Variants in XIAP observed in about 807,000 individuals in gnomAD.
XIAP encodes E3 ubiquitin-protein ligase XIAP.
XIAP carries 3 observed loss-of-function variants against 33.1 expected under a neutral mutation model. The observed-to-expected ratio is 0.09, with a 90% CI of 0.04 to 0.23. The LOEUF (loss-of-function observed/expected upper bound fraction) is 0.23. Among genes scored for constraint, XIAP ranks in the 10% least tolerant of loss-of-function variants. XIAP has a pLI of 1.00. For missense variants in XIAP, 264 were observed against 363.0 expected, an observed-to-expected ratio of 0.73 and a Z score of 2.22; for synonymous variants, 98 against 121.3, an observed-to-expected ratio of 0.81 and a Z score of 1.26.
At chrX:123,873,978 C>T (rs1407968565) in intron 1 of XIAP, 1 of 109,112 alleles carries the variant, frequency 9.2e-6, no homozygotes, top group Non-Finnish European at 1.9e-5. Flanking sequence ...AGGCAGTTAC[C>T]TATGTAACAA....
intron 1 of XIAP, among the ~76,000 whole-genome samples, chrX:123,869,770 A>C (rs894084748): frequency 1.3e-4 from 15 of 111,756 alleles, no homozygotes; most frequent in African/African-American, 4.9e-4. Context: ...GTTTCCTCAT[A>C]TTTCAGATGA....
In XIAP at chrX:123,880,595, G is replaced by A. The variant is rs776701631; in HGVS notation, c.-32-5036G>A. Among the ~76,000 whole-genome samples the A allele has an allele frequency of 4.6e-5, 5 of 108,318 alleles. No homozygotes were observed. The South Asian group carries it at 1.6e-3, about 35-fold the overall frequency. 94.1% of individuals were successfully genotyped at this position (108,318 alleles called of 115,157 possible). A position where few individuals can be genotyped will look rare whatever the true frequency, so the allele number is the denominator to read the frequency against. On this transcript the variant is annotated intron_variant, in intron 1 of 6. Coordinates refer to ENST00000371199, the MANE Select transcript of XIAP (RefSeq NM_001167.4). ...CTTCTAAAAATAAAAAAATTAGCCA[G>A]GCGTGGTGGCGGGCGCCTGTAATCC...
chrX:123,884,516 A>C (rs2053334849), intron 1 of XIAP, among the ~76,000 whole-genome samples: 1 of 111,343 alleles, frequency 9.0e-6, no homozygotes, highest in African/African-American at 3.3e-5. Flanking sequence ...TGCACGCATA[A>C]TATAGAGACA....
In XIAP at chrX:123,913,332, T is replaced by C. The variant is rs1298602155; in HGVS notation, c.*6151T>C. On this transcript the variant is annotated 3_prime_UTR_variant, in exon 7 of 7. Coordinates refer to ENST00000371199, the MANE Select transcript of XIAP (RefSeq NM_001167.4). ...ACAAAAATACAAAAATAGCTGGGCA[T>C]GGTGGCGCATGCCTGTAGTCCCAGC... 3.1e-6 allele frequency: 1 copy of C among 326,562 alleles called. No individual in the cohort carries two copies. The highest frequency in any genetic ancestry group is 9.9e-5 in the East Asian group (1 of 10,151). 26.9% of individuals were successfully genotyped at this position (326,562 alleles called of 1,213,427 possible). A position where few individuals can be genotyped will look rare whatever the true frequency, so the allele number is the denominator to read the frequency against.
intron 6 of XIAP, among the ~76,000 whole-genome samples, chrX:123,904,979 A>G (rs1326889258): frequency 8.9e-6 from 1 of 111,972 alleles, no homozygotes; most frequent in Non-Finnish European, 1.9e-5. Context: ...TGCCCTGCCC[A>G]TTAGACCAAG....
At chrX:123,892,556 G>A (rs1202944821) in intron 4 of XIAP, among the ~76,000 whole-genome samples, 175 bp from the exon 5 acceptor site, 1 of 110,930 alleles carries the variant, frequency 9.0e-6, no homozygotes, top group Admixed American at 9.7e-5. Context: ...GATTAGATTA[G>A]ATAATCTTAT....
intron 4 of XIAP, among the ~76,000 whole-genome samples, chrX:123,891,848 A>G (rs1230258625): frequency 1.9e-5 from 2 of 105,013 alleles, no homozygotes; most frequent in African/African-American, 6.9e-5. Flanking sequence ...AAAAAAAGAG[A>G]GAGCCTAAAA....
intron 1 of XIAP, among the ~76,000 whole-genome samples, chrX:123,862,944 C>G (rs1405240556): frequency 1.8e-5 from 2 of 109,783 alleles, no homozygotes; most frequent in Non-Finnish European, 3.8e-5. Context: ...AAAAATTAGC[C>G]GGGCGTGCTG....
chrX:123,904,460 C>T, intron 6 of XIAP, among the ~76,000 whole-genome samples: 1 of 110,904 alleles, frequency 9.0e-6, no homozygotes, highest in Non-Finnish European at 1.9e-5. Context: ...AGTCCCATTC[C>T]CCACTCTACC....
chrX:123,865,634 G>C (rs1247046869), intron 1 of XIAP, among the ~76,000 whole-genome samples: 1 of 110,635 alleles, frequency 9.0e-6, no homozygotes, highest in Admixed American at 9.6e-5. Flanking sequence ...TGAGGCAGGA[G>C]AATGGTGTGA....
At chrX:123,885,037 A>G (rs762304502) in intron 1 of XIAP, among the ~76,000 whole-genome samples, 4 of 111,119 alleles carry the variant, frequency 3.6e-5, no homozygotes, top group Admixed American at 9.7e-5. Flanking sequence ...ATATATCTGT[A>G]ATTATCCAGT....
chrX:123,876,239 C>T (rs1166843458), intron 1 of XIAP, among the ~76,000 whole-genome samples: 1 of 108,280 alleles, frequency 9.2e-6, no homozygotes, highest in Non-Finnish European at 1.9e-5. Context: ...TTTTTTCCAA[C>T]TACTTTAGTC....
rs34868593 is a variant in XIAP, at chrX:123,911,478, A to AT, written c.*4297_*4298insT. The AT allele has an allele frequency of 1.3e-4, 13 of 102,661 alleles. No individual in the cohort carries two copies. Among genetic ancestry groups the AT allele is most frequent in the Non-Finnish European group, 2.1e-4 (12 of 55,857 alleles). 8.5% of individuals were successfully genotyped at this position (102,661 alleles called of 1,213,427 possible). On this transcript the variant is annotated 3_prime_UTR_variant, in exon 7 of 7. Coordinates refer to ENST00000371199, the MANE Select transcript of XIAP (RefSeq NM_001167.4). ...GGCAACAAGAGCAAAACTCTGTCTC[A>AT]AAAAAAAAAAAAGATATAAATCACA...
intron 3 of XIAP, among the ~76,000 whole-genome samples, chrX:123,890,142 G>A (rs2053392413): frequency 1.1e-5 from 1 of 88,165 alleles, no homozygotes; most frequent in Non-Finnish European, 2.2e-5. Context: ...TCAGCCTCCC[G>A]AGTAGCTGGG....
chrX:123,887,705 C>T (rs1002360610), intron 2 of XIAP, among the ~76,000 whole-genome samples: 5 of 111,259 alleles, frequency 4.5e-5, no homozygotes, highest in East Asian at 2.8e-4. Flanking sequence ...AAAGTATGGC[C>T]GGGCGCGGTG....
At chrX:123,878,764 A>G (rs2053270076) in intron 1 of XIAP, 1 of 112,253 alleles carries the variant, frequency 8.9e-6, no homozygotes, top group Admixed American at 9.5e-5. Flanking sequence ...TTTTGATGGT[A>G]GGAATGGCTT....
chrX:123,867,729 A>T (rs1474596233), intron 1 of XIAP, among the ~76,000 whole-genome samples: 1 of 88,687 alleles, frequency 1.1e-5, no homozygotes, highest in Non-Finnish European at 2.1e-5. Context: ...GCTGGAGCGC[A>T]TTGGTGCAAT....
At chrX:123,892,571 TC>T (rs1355464823) in intron 4 of XIAP, among the ~76,000 whole-genome samples, 159 bp from the exon 5 acceptor site, 3 of 111,027 alleles carry the variant, frequency 2.7e-5, no homozygotes, top group Non-Finnish European at 5.7e-5. Context: ...TCTTATGACT[TC>T]CTTCTAGCTC....
intron 1 of XIAP, among the ~76,000 whole-genome samples, chrX:123,880,210 C>G (rs2053286449): frequency 9.2e-6 from 1 of 108,928 alleles, no homozygotes; most frequent in Admixed American, 9.9e-5. Flanking sequence ...GTCAGGAGTT[C>G]AAGACCAGCC....
Sources: gnomAD v4.1 joint callset for allele counts (sites outside exome capture counted in the v4.1 genomes callset) on GRCh38, gnomAD v4.1.1 for gene constraint, MANE v1.5 for transcripts, NCBI Gene and HGNC (gene_info 2026-07-23, HGNC 2026-07-21) for gene names.